The following MLPH variants were observed in gnomAD, a reference collection of about 807,000 sequenced individuals.
The protein encoded by MLPH is exophilin-3.
Under a neutral mutation model 72.1 loss-of-function variants are expected in MLPH, and 51 were observed. That is an observed-to-expected ratio of 0.71 (90% CI 0.56 to 0.89). MLPH has a LOEUF of 0.89. MLPH is among the 40% of genes least tolerant of loss of function. MLPH has a pLI of 0.00. For missense variants in MLPH, 743 were observed against 759.9 expected (o/e 0.98, Z 0.26); for synonymous variants, 301 against 310.1 (o/e 0.97, Z 0.31).
chr2:237,514,950 C>G (rs995868619), intron 4 of MLPH, among the ~76,000 whole-genome samples: 3 of 152,224 alleles, frequency 2.0e-5, no homozygotes, highest in African/African-American at 7.2e-5. Flanking sequence ...TCAGGCAGGA[C>G]AGGCAGTAAC....
chr2:237,496,776 G>A lies in MLPH; in HGVS notation c.110+3240G>A, dbSNP rs146022897. ...TGGGAAGGGGCCGCATGAGCGTAGA[G>A]TACTGTGTTGAAAATGTCAGTGAGC... On this transcript the variant is annotated intron_variant, in intron 2 of 15. Coordinates refer to ENST00000264605, the MANE Select transcript of MLPH (RefSeq NM_024101.7). Among the ~76,000 whole-genome samples the A allele has an allele frequency of 8.9e-4, 135 of 152,342 alleles. 1 individual carries two copies. Among genetic ancestry groups the A allele is most frequent in the Admixed American group, 1.6e-3 (25 of 15,298 alleles).
rs555785781 is a variant in MLPH at position 237,541,733 on chromosome 2, G to A, written c.1446+776G>A. Among the ~76,000 whole-genome samples the A allele has an allele frequency of 1.1e-4, 17 of 152,352 alleles. No homozygotes were observed. Among genetic ancestry groups the A allele is most frequent in the Non-Finnish European group, 2.2e-4 (15 of 68,038 alleles). ...AAGATCTGGTGCAAATACCTTAGAC[G>A]AAGCCCCAGCCTTCCTGGAGCTTGT... On this transcript the variant is annotated intron_variant, in intron 11 of 15. Transcript: ENST00000264605. This position sits in a 1 kb window ranked among gnomAD's most constrained non-coding sequence, Gnocchi z 5.1.
In MLPH at chr2:237,498,521, G is replaced by T. The variant is rs191698994; in HGVS notation, c.110+4985G>T. 2.0e-3 allele frequency among the ~76,000 whole-genome samples: 304 copies of T among 152,326 alleles called. 2 individuals carry two copies. The highest frequency in any genetic ancestry group is 7.0e-3 in the African/African-American group (292 of 41,582). ...CTGAGACCCCCATGAGCAGCATCCT[G>T]TCCCCAAGCCACGGAAGCTCCTGCT... On this transcript the variant is annotated intron_variant, in intron 2 of 15. Coordinates refer to ENST00000264605, the MANE Select transcript of MLPH (RefSeq NM_024101.7).
At chr2:237,553,013 C>A (rs1224943781) in intron 15 of MLPH, 1 of 448,932 alleles carries the variant, frequency 2.2e-6, no homozygotes. Context: ...GAGCCAGTGG[C>A]TCAGGAGCCT....
intron 4 of MLPH, among the ~76,000 whole-genome samples, chr2:237,513,773 G>C (rs2079957013): frequency 1.3e-5 from 2 of 152,140 alleles, no homozygotes; most frequent in Non-Finnish European, 2.9e-5. Context: ...CCTGGGTGCA[G>C]GGGGAGTTCA....
intron 4 of MLPH, among the ~76,000 whole-genome samples, chr2:237,513,366 C>A (rs1334641852): frequency 1.3e-5 from 2 of 152,106 alleles, no homozygotes; most frequent in Admixed American, 6.5e-5. Flanking sequence ...GTCCCCCTAC[C>A]CCCGTGCCTT....
In MLPH at chr2:237,510,428, G is replaced by A; in HGVS notation, c.111-146G>A. The A allele has an allele frequency of 1.2e-6, 1 of 861,404 alleles. No individual in the cohort carries two copies. Among genetic ancestry groups the A allele is most frequent in the Non-Finnish European group, 1.9e-6 (1 of 522,894 alleles). The allele number at this position is 861,404 out of a possible 1,614,324, so 53.4% of individuals were successfully genotyped here. On this transcript the variant is annotated intron_variant, in intron 2 of 15. Coordinates refer to ENST00000264605, the MANE Select transcript of MLPH (RefSeq NM_024101.7). The surrounding 1 kb of genome is among the most constrained non-coding windows in gnomAD (Gnocchi z 4.4). The stretch of plus-strand genomic sequence containing the variant: ...TGCCTGTGTGGCTTTGCCCAACGTT[G>A]GGTCACTGTTTTCTGCATAGGAGAC...
intron 8 of MLPH, among the ~76,000 whole-genome samples, chr2:237,529,112 G>A (rs1181209970): frequency 3.3e-5 from 5 of 151,704 alleles, no homozygotes; most frequent in South Asian, 2.1e-4. Flanking sequence ...GAGCAATCTC[G>A]GCTCACTGCA....
intron 6 of MLPH, among the ~76,000 whole-genome samples, chr2:237,525,056 T>G (rs1027854933): frequency 6.6e-6 from 1 of 152,210 alleles, no homozygotes; most frequent in African/African-American, 2.4e-5. Context: ...TGTGGCATAT[T>G]GCTTCTTGAA....
In MLPH at chr2:237,510,968, A is replaced by G. The variant is rs2292879; in HGVS notation, c.333-21A>G. On this transcript the variant is annotated intron_variant, in intron 3 of 15. Transcript: ENST00000264605. The surrounding 1 kb of genome is among the most constrained non-coding windows in gnomAD (Gnocchi z 4.4). ...TGTACAGCACTCAGGCAGTGCCATG[A>G]GCCTGTGCTTGTCCCTGCAGAGTCG... is the stretch of plus-strand genomic sequence containing the variant. The G allele has an allele frequency of 0.26, 409,839 of 1,602,358 alleles. 57,798 individuals are homozygous for G. The highest frequency in any genetic ancestry group is 0.57 in the African/African-American group (42,513 of 74,494).
Position 237,518,237 on chromosome 2 carries a change from G to T in MLPH, c.446-302G>T, listed in dbSNP as rs2080094663. ...GTGGAGGATAGATAGGTGGGTGTAT[G>T]GGTGGGTGGATGGATTGATGCATGG... On this transcript the variant is annotated intron_variant, in intron 4 of 15. Transcript: ENST00000264605. 3 of 492,942 alleles carry T rather than the reference G, an allele frequency of 6.1e-6. No homozygotes were observed. The Admixed American group carries it at 8.0e-5, about 13-fold the overall frequency. 30.5% of individuals were successfully genotyped at this position (492,942 alleles called of 1,614,324 possible). A position where few individuals can be genotyped will look rare whatever the true frequency, so the allele number is the denominator to read the frequency against.
chr2:237,542,698 TG>T lies in MLPH; in HGVS notation c.1539+46del, dbSNP rs535473324. On this transcript the variant is annotated intron_variant, in intron 12 of 15. Coordinates refer to ENST00000264605, the MANE Select transcript of MLPH (RefSeq NM_024101.7). ...AGTGGTGAGTGGAGACAGTGCTGAG[TG>T]GGGGGGCAGTGGTGAGTGGCGGACA... 247 of 836,788 alleles carry T rather than the reference TG, an allele frequency of 3.0e-4. 2 individuals carry two copies. The African/African-American group carries it at 4.3e-3, about 15-fold the overall frequency. The allele number at this position is 836,788 out of a possible 1,614,324, so 51.8% of individuals were successfully genotyped here.
At chr2:237,549,307 T>C (rs565978968) in intron 14 of MLPH, 29 bp downstream of exon 14, 3 of 1,602,960 alleles carry the variant, frequency 1.9e-6, no homozygotes, top group East Asian at 2.2e-5. Flanking sequence ...CCCACCCCCA[T>C]GGGCCTGGGA....
Position 237,540,474 on chromosome 2 carries a change from G to A in MLPH, c.1231G>A (p.Glu411Lys), listed in dbSNP as rs11539365. ...TSSEEEEAKD[E>K]KAEPNRDKSV... is the part of the protein sequence containing the mutation. ...GTCCGAGGAGGAGGAAGCCAAGGAC[G>A]AAAAGGCAGAGCCCAACAGGGACAA... Residue 411 changes from glutamate (E) to lysine (K), a missense_variant, in exon 10 of 16, where the codon GAA becomes AAA. Coordinates refer to ENST00000264605, the MANE Select transcript of MLPH (RefSeq NM_024101.7). 9.9e-6 allele frequency: 16 copies of A among 1,613,094 alleles called. No individual in the cohort carries two copies. The Admixed American group carries it at 1.3e-4, about 13-fold the overall frequency.
chr2:237,546,024 C>T, intron 12 of MLPH, among the ~76,000 whole-genome samples: 1 of 152,166 alleles, frequency 6.6e-6, no homozygotes. Flanking sequence ...TGCTTTTATA[C>T]ATCTTAGGGG....
intron 2 of MLPH, among the ~76,000 whole-genome samples, chr2:237,498,997 AC>A (rs1327520472): frequency 6.6e-6 from 1 of 151,646 alleles, no homozygotes; most frequent in Non-Finnish European, 1.5e-5. Flanking sequence ...CACTCTCTTG[AC>A]TTTACTCTGT....
At chr2:237,536,024 A>G (rs1450574306) in intron 9 of MLPH, among the ~76,000 whole-genome samples, 1 of 152,198 alleles carries the variant, frequency 6.6e-6, no homozygotes, top group African/African-American at 2.4e-5. Flanking sequence ...CCAATCATTT[A>G]AAGTTCCAAC....
intron 12 of MLPH, chr2:237,545,695 A>T (rs2080904182): frequency 3.3e-6 from 4 of 1,209,926 alleles, no homozygotes; most frequent in Non-Finnish European, 4.2e-6. Flanking sequence ...TCTTCAGACA[A>T]AACCATCCTG....
Position 237,505,469 on chromosome 2 carries a change from G to T in MLPH, c.111-5105G>T, listed in dbSNP as rs1398300257. On this transcript the variant is annotated intron_variant, in intron 2 of 15. Coordinates refer to ENST00000264605, the MANE Select transcript of MLPH (RefSeq NM_024101.7). This position sits in a 1 kb window ranked among gnomAD's most constrained non-coding sequence, Gnocchi z 4.5. ...AGTGGAGGCCCACAGGACCCCTCAT[G>T]CAGGCTCTTCCCCCGCCTGTGTGCT... 6.6e-6 allele frequency among the ~76,000 whole-genome samples: 1 copy of T among 152,152 alleles called. No homozygotes were observed. The highest frequency in any genetic ancestry group is 1.5e-5 in the Non-Finnish European group (1 of 68,014).
Sources: gnomAD v4.1 joint callset for allele counts (sites outside exome capture counted in the v4.1 genomes callset) on GRCh38, gnomAD v4.1.1 for gene constraint, Gnocchi (gnomAD v3.1) non-coding constraint, MANE v1.5 for transcripts, NCBI Gene and HGNC (gene_info 2026-07-23, HGNC 2026-07-21) for gene names.